The following ALDH1L2 variants were observed in gnomAD, a reference collection of about 807,000 sequenced individuals.
ALDH1L2 encodes mitochondrial 10-formyltetrahydrofolate dehydrogenase.
In ALDH1L2, 91 loss-of-function variants were observed where a neutral mutation model predicts 111.0. The observed-to-expected ratio is 0.82, with a 90% CI of 0.69 to 0.98. ALDH1L2 has a LOEUF of 0.98. ALDH1L2 is among the 50% of genes least tolerant of loss of function. ALDH1L2 has a pLI of 0.00. For synonymous variants in ALDH1L2, 374 were observed against 392.6 expected, an observed-to-expected ratio of 0.95 and a Z score of 0.56; for missense variants, 995 against 1,126.8, an observed-to-expected ratio of 0.88 and a Z score of 1.67.
intron 4 of ALDH1L2, among the ~76,000 whole-genome samples, chr12:105,067,593 TTC>T (rs1408973412): frequency 6.6e-6 from 1 of 152,212 alleles, no homozygotes; most frequent in East Asian, 1.9e-4. Flanking sequence ...CTGCATTTTC[TTC>T]TCTGTTATAT....
intron 15 of ALDH1L2, among the ~76,000 whole-genome samples, chr12:105,045,855 C>T (rs942669282): frequency 2.6e-5 from 4 of 152,012 alleles, no homozygotes; most frequent in Admixed American, 2.0e-4. Context: ...GTTTACTCCA[C>T]GACTTATGCA....
At chr12:105,043,760 G>A (rs892728582) in intron 15 of ALDH1L2, among the ~76,000 whole-genome samples, 1 of 152,136 alleles carries the variant, frequency 6.6e-6, no homozygotes, top group Non-Finnish European at 1.5e-5. Flanking sequence ...CAGTGTCCCT[G>A]CAGGATTATA....
At chr12:105,059,431 G>A (rs965899284) in intron 9 of ALDH1L2, among the ~76,000 whole-genome samples, 23 of 152,040 alleles carry the variant, frequency 1.5e-4, no homozygotes, top group African/African-American at 5.6e-4. Context: ...GCTAGTGCAA[G>A]TGAGCTGTGA....
intron 18 of ALDH1L2, among the ~76,000 whole-genome samples, chr12:105,036,514 T>TTATA (rs1182802302): frequency 1.6e-3 from 38 of 23,618 alleles, no homozygotes; most frequent in East Asian, 2.0e-3. Context: ...TATATATATT[T>TTATA]TATATATATA....
chr12:105,058,488 T>C (rs1404801174), intron 9 of ALDH1L2, among the ~76,000 whole-genome samples: 1 of 152,252 alleles, frequency 6.6e-6, no homozygotes, highest in African/African-American at 2.4e-5. Context: ...TTTTAATTAC[T>C]TATAAGCAAG....
At chr12:105,049,241 G>C (rs1370821812) in intron 13 of ALDH1L2, among the ~76,000 whole-genome samples, 2 of 152,088 alleles carry the variant, frequency 1.3e-5, no homozygotes, top group Non-Finnish European at 2.9e-5. Flanking sequence ...ATAGTAAAAT[G>C]CAAAGAAGAT....
chr12:105,034,735 C>T (rs530138965), intron 18 of ALDH1L2, among the ~76,000 whole-genome samples: 283 of 152,246 alleles, frequency 1.9e-3, no homozygotes, highest in Non-Finnish European at 3.5e-3. Context: ...CTTGTAATCC[C>T]AGAACTTTGG....
chr12:105,080,444 AACAT>A (rs1315528606), intron 1 of ALDH1L2, among the ~76,000 whole-genome samples: 1 of 152,170 alleles, frequency 6.6e-6, no homozygotes, highest in Admixed American at 6.5e-5. Context: ...TTTTCCTAAA[AACAT>A]AGATTTAATA....
At chr12:105,070,520 C>G in intron 3 of ALDH1L2, 50 bp downstream of exon 3, 1 of 1,450,460 alleles carries the variant, frequency 6.9e-7, no homozygotes, top group Middle Eastern at 2.4e-4. Context: ...GACTGGGCAA[C>G]ATAGCAAGAC....
intron 6 of ALDH1L2, among the ~76,000 whole-genome samples, chr12:105,063,821 CACTG>C (rs1454448570): frequency 2.0e-5 from 3 of 152,140 alleles, no homozygotes; most frequent in Non-Finnish European, 4.4e-5. Flanking sequence ...AACCAAGAGA[CACTG>C]ACGCTGACTG....
intron 5 of ALDH1L2, among the ~76,000 whole-genome samples, chr12:105,066,112 C>G (rs1017112936): frequency 2.6e-5 from 4 of 152,156 alleles, no homozygotes; most frequent in Non-Finnish European, 5.9e-5. Flanking sequence ...CTGTGCCCAG[C>G]GCACCTAGCA....
chr12:105,082,727 G>A (rs759400890), intron 1 of ALDH1L2, among the ~76,000 whole-genome samples: 1 of 152,214 alleles, frequency 6.6e-6, no homozygotes, highest in Non-Finnish European at 1.5e-5. Flanking sequence ...CTAGGAGTGT[G>A]ATTCCGGGGT....
rs376649372 is a variant in ALDH1L2, at chr12:105,036,056, TTA to T, written c.2146-1660_2146-1659del. 1.9e-3 allele frequency among the ~76,000 whole-genome samples: 111 copies of T among 59,190 alleles called. 8 individuals carry two copies. Among genetic ancestry groups the T allele is most frequent in the African/African-American group, 0.011 (94 of 8,258 alleles). The allele number at this position is 59,190 out of a possible 152,430, so 38.8% of individuals were successfully genotyped here. ...GTATATTTATATATGTGTATATATATTATATATATACGTATATTTATATATGT... is the reference window on the plus strand; with the variant it reads ...GTATATTTATATATGTGTATATATATTATATATACGTATATTTATATATGT... On this transcript the variant is annotated intron_variant, in intron 18 of 22. Coordinates refer to ENST00000258494, the MANE Select transcript of ALDH1L2 (RefSeq NM_001034173.4).
chr12:105,069,647 A>G (rs1877562849), intron 3 of ALDH1L2, among the ~76,000 whole-genome samples: 1 of 152,236 alleles, frequency 6.6e-6, no homozygotes, highest in Admixed American at 6.5e-5. Context: ...CCATGTCATC[A>G]AAGTTTAAAT....
At chr12:105,077,679 C>T (rs1375037261) in intron 1 of ALDH1L2, among the ~76,000 whole-genome samples, 1 of 151,256 alleles carries the variant, frequency 6.6e-6, no homozygotes, top group East Asian at 1.9e-4. Flanking sequence ...AGGCTGTCCA[C>T]CCTCTGGTGG....
At chr12:105,072,812 A>G (rs1877812446) in intron 2 of ALDH1L2, among the ~76,000 whole-genome samples, 1 of 152,146 alleles carries the variant, frequency 6.6e-6, no homozygotes, top group Non-Finnish European at 1.5e-5. Flanking sequence ...TGTCTCTACT[A>G]AAAATACAAA....
intron 13 of ALDH1L2, 65 bp downstream of exon 13, chr12:105,049,843 T>C: frequency 6.7e-7 from 1 of 1,501,646 alleles, no homozygotes; most frequent in Non-Finnish European, 8.9e-7. Context: ...TCTGACACAG[T>C]GCCTGGTACA....
At chr12:105,037,964 A>G in intron 18 of ALDH1L2, 139 bp downstream of exon 18, 1 of 587,840 alleles carries the variant, frequency 1.7e-6, no homozygotes, top group South Asian at 2.1e-5. Context: ...ACGGGGTTTC[A>G]CCATGTTGGT....
chr12:105,044,921 T>A (rs954071486), intron 15 of ALDH1L2, among the ~76,000 whole-genome samples: 2 of 152,106 alleles, frequency 1.3e-5, no homozygotes, highest in African/African-American at 4.8e-5. Context: ...GAATGCTACT[T>A]TTTGTGTGTG....
Sources: gnomAD v4.1 joint callset for allele counts (sites outside exome capture counted in the v4.1 genomes callset) on GRCh38, gnomAD v4.1.1 for gene constraint, MANE v1.5 for transcripts, NCBI Gene and HGNC (gene_info 2026-07-23, HGNC 2026-07-21) for gene names.